The following UBTD2 variants were observed in gnomAD, a reference collection of about 807,000 sequenced individuals.
UBTD2 encodes the protein ubiquitin domain containing 2, also known as ubiquitin domain-containing protein 2.
UBTD2 carries 9 observed loss-of-function variants against 19.8 expected under a neutral mutation model. The ratio of observed to expected loss-of-function variants is 0.46; its 90% CI spans 0.27 to 0.79. The LOEUF (loss-of-function observed/expected upper bound fraction) is 0.79, where lower values mean the gene tolerates loss of function less well. Among genes scored for constraint, UBTD2 ranks in the 30% least tolerant of loss-of-function variants. The pLI, the probability that UBTD2 is intolerant of heterozygous loss-of-function variation, is 0.14. For missense variants in UBTD2, 250 were observed against 300.4 expected (o/e 0.83, Z 1.24); for synonymous variants, 98 against 103.9 (o/e 0.94, Z 0.35).
rs532741108 is a variant in UBTD2, at chr5:172,276,603, C to T, written c.70+6993G>A. Among the ~76,000 whole-genome samples, 3 of 152,086 alleles carry T rather than the reference C, an allele frequency of 2.0e-5. No individual in the cohort carries two copies. In the East Asian group the frequency reaches 5.8e-4, roughly 29 times the overall value. On this transcript the variant is annotated intron_variant, in intron 1 of 2. Transcript: ENST00000393792. ...GAATCAACTGGGGTGAAGATCAGTCCCCCACGCCTTCTGACCCCGTAATGT... is the reference window on the plus strand; with the variant it reads ...GAATCAACTGGGGTGAAGATCAGTCTCCCACGCCTTCTGACCCCGTAATGT...
intron 1 of UBTD2, among the ~76,000 whole-genome samples, chr5:172,272,624 A>G (rs1466377616): frequency 6.6e-6 from 1 of 152,208 alleles, no homozygotes; most frequent in Non-Finnish European, 1.5e-5. Context: ...GCCACAAGAG[A>G]TAATTAATTC....
At chr5:172,272,716 G>A (rs7707935) in intron 1 of UBTD2, among the ~76,000 whole-genome samples, 2,793 of 152,248 alleles carry the variant, frequency 0.018, 72 homozygotes, top group African/African-American at 0.064. Flanking sequence ...GTACTAAGAA[G>A]GTACTGCCAA....
At chr5:172,246,997 G>A (rs904808694) in intron 1 of UBTD2, among the ~76,000 whole-genome samples, 1 of 150,932 alleles carries the variant, frequency 6.6e-6, no homozygotes, top group East Asian at 2.0e-4. Context: ...CCCATGATCC[G>A]CCTGCCTCAG....
intron 1 of UBTD2, among the ~76,000 whole-genome samples, chr5:172,238,372 A>T (rs6867664): frequency 0.32 from 49,070 of 152,048 alleles, 8,012 homozygotes; most frequent in South Asian, 0.42. Context: ...TCTTTAGTGC[A>T]CTATGAATTA....
Position 172,283,645 on chromosome 5 carries a change from G to C in UBTD2, c.21C>G (p.Ala7=). 7.9e-7 allele frequency: 1 copy of C among 1,272,130 alleles called. No homozygotes were observed. The highest frequency in any genetic ancestry group is 1.0e-6 in the Non-Finnish European group (1 of 1,001,906). The allele number at this position is 1,272,130 out of a possible 1,614,324, so 78.8% of individuals were successfully genotyped here. ...TGAGGCTGCCCGAGGAGTCGTGCTG[G>C]GCGCCCACACACCCGCCCATGGGGG... MGGCVG[A]QHDSSGSLNE... Residue 7 remains alanine, a synonymous_variant, in exon 1 of 3, where the codon GCC becomes GCG. Transcript: ENST00000393792. The surrounding 1 kb of genome is among the most constrained non-coding windows in gnomAD (Gnocchi z 4.3).
chr5:172,272,552 T>C (rs1755514964), intron 1 of UBTD2, among the ~76,000 whole-genome samples: 1 of 152,210 alleles, frequency 6.6e-6, no homozygotes, highest in South Asian at 2.1e-4. Context: ...TTGATTATGT[T>C]GCTTAAACTA....
intron 1 of UBTD2, among the ~76,000 whole-genome samples, chr5:172,247,715 T>C (rs1754909849): frequency 6.6e-6 from 1 of 152,178 alleles, no homozygotes; most frequent in African/African-American, 2.4e-5. Context: ...TGAAGGGAGA[T>C]ACAGTTCTAC....
intron 1 of UBTD2, among the ~76,000 whole-genome samples, chr5:172,281,567 A>G (rs1220651337): frequency 2.6e-5 from 4 of 152,176 alleles, no homozygotes; most frequent in African/African-American, 9.7e-5. Context: ...TTGAAAAGCT[A>G]GGGATCTGTG....
intron 1 of UBTD2, chr5:172,255,251 C>G: frequency 2.2e-6 from 1 of 459,224 alleles, no homozygotes; most frequent in East Asian, 5.0e-5. Context: ...ATGAAGTCCA[C>G]TGGCTCCATC....
chr5:172,256,650 G>A (rs1039184896), intron 1 of UBTD2, among the ~76,000 whole-genome samples: 4 of 151,968 alleles, frequency 2.6e-5, no homozygotes, highest in African/African-American at 9.7e-5. Flanking sequence ...GCCAGGCGAG[G>A]TGGTTCACAC....
chr5:172,213,277 C>T (rs906596484), intron 2 of UBTD2, among the ~76,000 whole-genome samples: 1 of 152,178 alleles, frequency 6.6e-6, no homozygotes, highest in African/African-American at 2.4e-5. Context: ...AGGCATGAGC[C>T]ACCATGCCCA....
At chr5:172,277,135 T>C (rs1011635487) in intron 1 of UBTD2, among the ~76,000 whole-genome samples, 10 of 151,474 alleles carry the variant, frequency 6.6e-5, no homozygotes, top group South Asian at 2.1e-4. Flanking sequence ...ATTTATGAAT[T>C]ACTTTTGTCA....
chr5:172,230,784 TA>T (rs1771877467), intron 2 of UBTD2, among the ~76,000 whole-genome samples: 2 of 150,106 alleles, frequency 1.3e-5, no homozygotes, highest in African/African-American at 2.5e-5. Context: ...TTTTTTTCCT[TA>T]TTTTTTTTTT....
intron 1 of UBTD2, among the ~76,000 whole-genome samples, chr5:172,270,313 C>A (rs1253055468): frequency 6.8e-6 from 1 of 148,110 alleles, no homozygotes; most frequent in Non-Finnish European, 1.5e-5. Flanking sequence ...AGCTCTTATT[C>A]AAAAGTTCTG....
chr5:172,251,164 A>G (rs1755002309), intron 1 of UBTD2, among the ~76,000 whole-genome samples: 1 of 150,972 alleles, frequency 6.6e-6, no homozygotes, highest in Admixed American at 6.6e-5. Context: ...ATACAAAAAA[A>G]AAAAATTGGC....
intron 1 of UBTD2, among the ~76,000 whole-genome samples, chr5:172,278,433 C>A (rs998012928): frequency 2.0e-5 from 3 of 151,726 alleles, no homozygotes; most frequent in African/African-American, 7.3e-5. Flanking sequence ...ACAGGAGAAT[C>A]GCTTGAACCT....
chr5:172,227,873 GT>G (rs1239942141), intron 2 of UBTD2, among the ~76,000 whole-genome samples: 2 of 151,622 alleles, frequency 1.3e-5, no homozygotes, highest in African/African-American at 4.9e-5. Flanking sequence ...TAGAGACGGG[GT>G]TTCGCCATGT....
At chr5:172,228,577 T>C (rs1462466521) in intron 2 of UBTD2, among the ~76,000 whole-genome samples, 1 of 151,972 alleles carries the variant, frequency 6.6e-6, no homozygotes, top group East Asian at 1.9e-4. Context: ...AAAAATTAGA[T>C]GGGCGTGGTG....
chr5:172,284,060 G>T (rs1042751577), upstream of UBTD2: 1 of 149,870 alleles, frequency 6.7e-6, no homozygotes, highest in East Asian at 2.0e-4. Flanking sequence ...TCGGCCCCCG[G>T]CCCGCGGCGC....
Sources: allele counts gnomAD v4.1 joint callset (sites outside exome capture counted in the v4.1 genomes callset), GRCh38; gene constraint gnomAD v4.1.1; non-coding constraint Gnocchi (gnomAD v3.1); transcripts MANE v1.5; gene names NCBI Gene and HGNC (gene_info 2026-07-23, HGNC 2026-07-21).